FAM20B: variants seen among roughly 807,000 people sequenced by gnomAD.
FAM20B encodes the protein FAM20B glycosaminoglycan xylosylkinase.
Under a neutral mutation model 43.8 loss-of-function variants are expected in FAM20B, and 23 were observed. The observed-to-expected ratio is 0.53, with a 90% confidence interval of 0.38 to 0.74. The LOEUF (loss-of-function observed/expected upper bound fraction) is 0.74, where lower values mean the gene tolerates loss of function less well. FAM20B is among the 30% of genes least tolerant of loss of function. The pLI is 0.00. For missense variants in FAM20B, 440 were observed against 510.5 expected (o/e 0.86, Z 1.33); for synonymous variants, 178 against 192.4 (o/e 0.93, Z 0.62).
intron 1 of FAM20B, among the ~76,000 whole-genome samples, chr1:179,026,628 G>A (rs1199496269): frequency 6.6e-6 from 1 of 152,234 alleles, no homozygotes; most frequent in Non-Finnish European, 1.5e-5. Context: ...GGAAGGCGGG[G>A]CAACCGTGCC....
At chr1:179,066,503 C>G (rs910094602) in intron 6 of FAM20B, among the ~76,000 whole-genome samples, 1 of 152,128 alleles carries the variant, frequency 6.6e-6, no homozygotes, top group African/African-American at 2.4e-5. Flanking sequence ...TCCCTTTGGT[C>G]TGTGAACTCC....
At chr1:179,049,038 T>A (rs1650890456) in intron 2 of FAM20B, among the ~76,000 whole-genome samples, 1 of 152,200 alleles carries the variant, frequency 6.6e-6, no homozygotes, top group South Asian at 2.1e-4. Context: ...AAAGGTCTCC[T>A]TTAGATTCAG....
At chr1:179,057,020 C>T (rs562825215) in intron 4 of FAM20B, among the ~76,000 whole-genome samples, 3 of 152,058 alleles carry the variant, frequency 2.0e-5, no homozygotes, top group Admixed American at 6.6e-5. Context: ...ATGGTATGGC[C>T]GAAAGTCCTT....
intron 1 of FAM20B, among the ~76,000 whole-genome samples, chr1:179,039,844 A>G (rs2102491704): frequency 6.6e-6 from 1 of 152,094 alleles, no homozygotes; most frequent in East Asian, 1.9e-4. Context: ...CAAGTGAACA[A>G]AGGTCTCTGG....
intron 1 of FAM20B, among the ~76,000 whole-genome samples, chr1:179,040,918 G>T (rs923545768): frequency 1.5e-4 from 22 of 150,398 alleles, no homozygotes; most frequent in Non-Finnish European, 3.0e-4. Flanking sequence ...GGGCAGAGAC[G>T]CTCCTCACCT....
the FAM20B span, among the ~76,000 whole-genome samples, chr1:179,018,300 T>A: frequency 6.6e-6 from 1 of 152,182 alleles, no homozygotes; most frequent in Non-Finnish European, 1.5e-5. Context: ...AACCTCAGCA[T>A]GGAATACCAA....
At chr1:179,025,564 G>A (rs1031176422), upstream of FAM20B, among the ~76,000 whole-genome samples, 3 of 152,042 alleles carry the variant, frequency 2.0e-5, no homozygotes, top group African/African-American at 7.2e-5. Context: ...ACCTACCTAA[G>A]AAAAGCAGGA....
rs1410147845 is a variant in FAM20B, at chr1:179,071,090, C to G, written c.999-823C>G. Among the ~76,000 whole-genome samples, 3 of 151,786 alleles carry G rather than the reference C, an allele frequency of 2.0e-5. 1 individual carries two copies. The South Asian group carries it at 6.3e-4, about 32-fold the overall frequency. ...CGGGCGGATCACGAGGTCAGGAGATCAAGACCATCCTGGCTAACACGGTGA... is the reference window on the plus strand; with the variant it reads ...CGGGCGGATCACGAGGTCAGGAGATGAAGACCATCCTGGCTAACACGGTGA... On this transcript the variant is annotated intron_variant, in intron 7 of 7. Coordinates refer to ENST00000263733, the MANE Select transcript of FAM20B (RefSeq NM_014864.4).
the FAM20B span, among the ~76,000 whole-genome samples, chr1:179,019,465 T>G: frequency 6.9e-6 from 1 of 145,904 alleles, no homozygotes; most frequent in African/African-American, 2.7e-5. Flanking sequence ...GTTTGTTTGT[T>G]TCTTTTTTTT....
In FAM20B at chr1:179,063,955, C is replaced by G; in HGVS notation, c.603C>G (p.Cys201Trp). 2 of 1,612,034 alleles carry G rather than the reference C, an allele frequency of 1.2e-6. No individual in the cohort carries two copies. Among genetic ancestry groups the G allele is most frequent in the Non-Finnish European group, 1.7e-6 (2 of 1,178,996 alleles). The change falls in exon 5 of 8, where the codon TGC (cysteine) becomes TGG (tryptophan). Residue 201 changes from cysteine to tryptophan, a missense_variant. Transcript: ENST00000263733. ...VGNNTCFYGK[C>W]YYCRETEPAC... ...ACAATACTTGTTTTTATGGGAAGTG[C>G]TATTACTGCCGAGAAACAGAACCAG...
Position 179,072,092 on chromosome 1 carries a change from TTGGG to T in FAM20B, c.1179_1182del (p.Phe393LeufsTer67), listed in dbSNP as rs1328818335. On this transcript the variant is annotated frameshift_variant, in exon 8 of 8. Coordinates refer to ENST00000263733, the MANE Select transcript of FAM20B (RefSeq NM_014864.4). LOFTEE classifies it high-confidence loss of function. ...ACCGTGAAGCAGTGCACCGACCAGT[TTGGG>T]ATGGACACAGTACTGGTGGAAGACA... The T allele has an allele frequency of 6.2e-7, 1 of 1,613,808 alleles. No homozygotes were observed. Among genetic ancestry groups the T allele is most frequent in the Non-Finnish European group, 8.5e-7 (1 of 1,179,976 alleles).
upstream of FAM20B, among the ~76,000 whole-genome samples, chr1:179,023,826 T>C (rs1366902755): frequency 2.0e-5 from 3 of 152,218 alleles, no homozygotes; most frequent in African/African-American, 7.2e-5. Context: ...ATAATTTAAG[T>C]GTCCCTATTC....
Position 179,071,895 on chromosome 1 carries a change from T to C in FAM20B, c.999-18T>C, listed in dbSNP as rs1161890368. The C allele has an allele frequency of 6.4e-7, 1 of 1,573,126 alleles. No individual in the cohort carries two copies. Among genetic ancestry groups the C allele is most frequent in the East Asian group, 2.2e-5 (1 of 44,648 alleles). ...ATGAGAAGTTTTATGTACCTTGTTCTATAACTTTTTCTCCCAGCATTCGGG... is the reference window on the plus strand; with the variant it reads ...ATGAGAAGTTTTATGTACCTTGTTCCATAACTTTTTCTCCCAGCATTCGGG... On this transcript the variant is annotated intron_variant, in intron 7 of 7. Transcript: ENST00000263733.
chr1:179,041,691 AC>A lies in FAM20B; in HGVS notation c.-133-2023del, dbSNP rs755106262. Among the ~76,000 whole-genome samples the A allele has an allele frequency of 2.5e-3, 206 of 83,062 alleles. 1 individual carries two copies. The highest frequency in any genetic ancestry group is 0.011 in the African/African-American group (157 of 13,960). 54.5% of individuals were successfully genotyped at this position (83,062 alleles called of 152,430 possible). ...GACAGGGAGGGAGAGGGAGAGGGAG[AC>A]GGGAGACGGGGAGGGAGACAGGAGA... On this transcript the variant is annotated intron_variant, in intron 1 of 7. Coordinates refer to ENST00000263733, the MANE Select transcript of FAM20B (RefSeq NM_014864.4).
rs1650428741 is a variant in FAM20B, at chr1:179,040,219, T to C, written c.-133-3496T>C. ...CTACTCCACAAAACCGCCACTGTCA[T>C]CATGGCCCGTTCCCAGTGAGCCGTT... On this transcript the variant is annotated intron_variant, in intron 1 of 7. Transcript: ENST00000263733. 1.3e-5 allele frequency among the ~76,000 whole-genome samples: 2 copies of C among 152,182 alleles called. 1 individual carries two copies. The highest frequency in any genetic ancestry group is 4.1e-4 in the South Asian group (2 of 4,834).
chr1:179,064,848 T>G (rs1048887821), intron 6 of FAM20B, among the ~76,000 whole-genome samples: 17 of 152,196 alleles, frequency 1.1e-4, no homozygotes, highest in Admixed American at 6.5e-4. Context: ...GTGTGGAATT[T>G]GTCGTTAAAT....
chr1:179,041,141 G>A (rs1246017130), intron 1 of FAM20B, among the ~76,000 whole-genome samples: 2 of 149,536 alleles, frequency 1.3e-5, no homozygotes, highest in East Asian at 2.0e-4. Context: ...ATGGGATGGC[G>A]GCCGGGCAGA....
intron 4 of FAM20B, among the ~76,000 whole-genome samples, chr1:179,059,721 C>T (rs1651377505): frequency 6.6e-6 from 1 of 152,088 alleles, no homozygotes; most frequent in Non-Finnish European, 1.5e-5. Context: ...CCTGTAACCC[C>T]AGTACTTTGG....
intron 1 of FAM20B, among the ~76,000 whole-genome samples, chr1:179,032,022 T>C (rs981822352): frequency 2.6e-5 from 4 of 152,164 alleles, no homozygotes; most frequent in Non-Finnish European, 4.4e-5. Context: ...TCTGAAGATA[T>C]CTATTTGCCT....
Sources: allele counts gnomAD v4.1 joint callset (sites outside exome capture counted in the v4.1 genomes callset), GRCh38; gene constraint gnomAD v4.1.1; transcripts MANE v1.5; gene names NCBI Gene and HGNC (gene_info 2026-07-23, HGNC 2026-07-21).